LIMCH1: variants seen among roughly 807,000 people sequenced by gnomAD.
LIMCH1 encodes LIM and calponin homology domains-containing protein 1.
A neutral mutation model predicts 176.5 loss-of-function variants in LIMCH1; 113 were observed. The ratio of observed to expected loss-of-function variants is 0.64; its 90% confidence interval spans 0.55 to 0.75. The LOEUF is 0.75. Ranked by LOEUF, LIMCH1 falls within the 30% of genes least tolerant of loss-of-function variation. The probability of loss-of-function intolerance (pLI) is 0.00; values close to 1 mark genes in which losing one functional copy is unlikely to be tolerated. For synonymous variants in LIMCH1, 619 were observed against 645.9 expected (o/e 0.96, Z 0.63); for missense variants, 1,674 against 1,814.9 (o/e 0.92, Z 1.41).
chr4:41,642,510 C>T (rs1477522783), intron 14 of LIMCH1, among the ~76,000 whole-genome samples: 1 of 150,560 alleles, frequency 6.6e-6, no homozygotes, highest in Admixed American at 6.9e-5. Flanking sequence ...CAGCCCTTCT[C>T]CTCTATCGAG....
At chr4:41,544,224 G>A (rs535226297) in intron 1 of LIMCH1, among the ~76,000 whole-genome samples, 16 of 152,124 alleles carry the variant, frequency 1.1e-4, no homozygotes, top group Non-Finnish European at 2.4e-4. Context: ...AAATAGAGCT[G>A]TTGAAAGAGT....
chr4:41,402,898 G>A (rs2058600162), intron 1 of LIMCH1, among the ~76,000 whole-genome samples: 3 of 150,852 alleles, frequency 2.0e-5, no homozygotes, highest in Admixed American at 6.6e-5. Flanking sequence ...AATGGGTGCA[G>A]CACACCAGCA....
chr4:41,417,096 TTTGTGAGGGGTTA>T (rs1561300021), intron 1 of LIMCH1, among the ~76,000 whole-genome samples: 2 of 94,976 alleles, frequency 2.1e-5, no homozygotes, highest in Non-Finnish European at 4.1e-5. Context: ...GCATTGCTTC[TTTGTGAGGGGTTA>T]TCTATGCTAT....
intron 6 of LIMCH1, chr4:41,619,710 G>T: frequency 2.0e-6 from 1 of 490,842 alleles, no homozygotes; most frequent in Non-Finnish European, 3.7e-6. Context: ...CTGTTGATAG[G>T]ACATTGAGAG....
rs1319930963 is a variant in LIMCH1 at position 41,697,962 on chromosome 4, A to G, written c.*777A>G. 1 of 152,174 alleles carries G rather than the reference A, an allele frequency of 6.6e-6. No homozygotes were observed. Among genetic ancestry groups the G allele is most frequent in the East Asian group, 1.9e-4 (1 of 5,196 alleles). 9.4% of individuals were successfully genotyped at this position (152,174 alleles called of 1,614,324 possible). ...GGGAAATATTTCAGTCATCATTTCC[A>G]AAGTCATTATCAAAATCTGTGAGGA... On this transcript the variant is annotated 3_prime_UTR_variant, in exon 32 of 32. Transcript: ENST00000503057.
intron 2 of LIMCH1, among the ~76,000 whole-genome samples, chr4:41,521,829 T>C (rs1185373007): frequency 1.3e-5 from 2 of 152,176 alleles, no homozygotes; most frequent in Non-Finnish European, 2.9e-5. Flanking sequence ...GATTGATAGA[T>C]TGATTTTTTC....
chr4:41,613,610 C>T lies in LIMCH1; in HGVS notation c.154C>T (p.Arg52Cys), dbSNP rs200346208. 6.2e-6 allele frequency: 10 copies of T among 1,614,170 alleles called. No homozygotes were observed. In the East Asian group the frequency reaches 6.7e-5, roughly 11 times the overall value. The part of the protein sequence containing the change: ...SFDSLDSFGS[R>C]SRQTPSPDVV... ...CGACAGCCTGGATTCCTTTGGCTCT[C>T]GCTCTCGGCAGACGCCTTCACCAGA... The change falls in exon 5 of 32, where the codon CGC becomes TGC. Residue 52 changes from arginine (R) to cysteine (C), a missense_variant. Arg to Cys is a radical substitution (Grantham distance 180). Coordinates refer to ENST00000503057, the MANE Select transcript of LIMCH1 (RefSeq NM_001330672.2).
intron 1 of LIMCH1, among the ~76,000 whole-genome samples, chr4:41,463,658 C>T (rs966657935): frequency 2.6e-5 from 4 of 151,818 alleles, no homozygotes; most frequent in Admixed American, 2.6e-4. Flanking sequence ...TCACTGCAGC[C>T]CCCATTTCCT....
At chr4:41,654,789 G>T (rs1264490897) in intron 18 of LIMCH1, among the ~76,000 whole-genome samples, 1 of 152,058 alleles carries the variant, frequency 6.6e-6, no homozygotes, top group African/African-American at 2.4e-5. Flanking sequence ...GGTGATGAGG[G>T]TGCTGTATAT....
chr4:41,590,985 G>A (rs1336353623), intron 1 of LIMCH1, among the ~76,000 whole-genome samples: 1 of 152,126 alleles, frequency 6.6e-6, no homozygotes, highest in African/African-American at 2.4e-5. Context: ...CTAAAGTTCT[G>A]AGTTTCTTAA....
At chr4:41,549,621 C>T (rs752548683) in intron 1 of LIMCH1, among the ~76,000 whole-genome samples, 2 of 152,116 alleles carry the variant, frequency 1.3e-5, no homozygotes, top group Non-Finnish European at 2.9e-5. Context: ...ACCCAGCTAG[C>T]GTATGACAGA....
intron 1 of LIMCH1, among the ~76,000 whole-genome samples, chr4:41,569,169 C>T (rs2083179891): frequency 6.6e-6 from 1 of 152,174 alleles, no homozygotes; most frequent in African/African-American, 2.4e-5. Context: ...CCTGTTACCC[C>T]ACTTGAGAGA....
Position 41,611,345 on chromosome 4 carries a change from A to G in LIMCH1, c.10-2121A>G, listed in dbSNP as rs776911879. Among the ~76,000 whole-genome samples the G allele has an allele frequency of 2.0e-4, 31 of 152,252 alleles. 1 individual carries two copies. The highest frequency in any genetic ancestry group is 8.8e-5 in the Non-Finnish European group (6 of 68,040). On this transcript the variant is annotated intron_variant, in intron 4 of 31. Transcript: ENST00000503057. Reference sequence around the variant, plus strand: ...GTTTACACAACAATGAAATCACCTAATGACATATCCCTGTCATTCAGCAAC... The same window carrying G: ...GTTTACACAACAATGAAATCACCTAGTGACATATCCCTGTCATTCAGCAAC...
At chr4:41,529,167 C>T (rs1305959264) in intron 3 of LIMCH1, among the ~76,000 whole-genome samples, 1 of 152,114 alleles carries the variant, frequency 6.6e-6, no homozygotes, top group Non-Finnish European at 1.5e-5. Flanking sequence ...TACTATCGAG[C>T]CACATCTTGA....
intron 1 of LIMCH1, among the ~76,000 whole-genome samples, chr4:41,443,192 C>CTTTTGTTTTTTTTTTTTT (rs2062886084): frequency 2.5e-5 from 1 of 39,678 alleles, no homozygotes; most frequent in Admixed American, 2.8e-4. Context: ...TGTTTTTTTT[C>CTTTTGTTTTTTTTTTTTT]TTTTTTTTTT....
chr4:41,494,406 TAAAC>T lies in LIMCH1; in HGVS notation c.97-128_97-125del, dbSNP rs577713347. The T allele has an allele frequency of 1.2e-4, 72 of 598,580 alleles. 1 individual carries two copies. Among genetic ancestry groups the T allele is most frequent in the Admixed American group, 1.1e-3 (37 of 33,560 alleles). 37.1% of individuals were successfully genotyped at this position (598,580 alleles called of 1,614,324 possible). ...ATACATACATATACGTACATACACA[TAAAC>T]ATACATATATACACATACATAGTTA... On this transcript the variant is annotated intron_variant, in intron 1 of 26. Transcript: ENST00000313860.
intron 21 of LIMCH1, among the ~76,000 whole-genome samples, chr4:41,668,454 A>T (rs2153000847): frequency 6.6e-6 from 1 of 151,884 alleles, no homozygotes; most frequent in East Asian, 1.9e-4. Flanking sequence ...AGTGGTATAG[A>T]GAGGGAATAA....
chr4:41,638,823 A>C, intron 13 of LIMCH1, 109 bp from the exon 14 acceptor site: 1 of 856,338 alleles, frequency 1.2e-6, no homozygotes, highest in Non-Finnish European at 2.0e-6. Flanking sequence ...GTATCTCAGC[A>C]AAAAAGGTTT....
At chr4:41,520,095 T>C (rs1296806845) in intron 2 of LIMCH1, among the ~76,000 whole-genome samples, 3 of 152,352 alleles carry the variant, frequency 2.0e-5, no homozygotes, top group Middle Eastern at 3.4e-3. Context: ...CAAACAGTGA[T>C]GTTTTAAAAA....
Sources: gnomAD v4.1 joint callset for allele counts (sites outside exome capture counted in the v4.1 genomes callset) on GRCh38, gnomAD v4.1.1 for gene constraint, MANE v1.5 for transcripts, NCBI Gene and HGNC (gene_info 2026-07-23, HGNC 2026-07-21) for gene names.